Variants in PDE12 observed in about 807,000 individuals in gnomAD.
PDE12 encodes 2',5'-phosphodiesterase 12.
A neutral mutation model predicts 45.4 loss-of-function variants in PDE12; 26 were observed. The ratio of observed to expected loss-of-function variants is 0.57; its 90% CI spans 0.42 to 0.79. The LOEUF (loss-of-function observed/expected upper bound fraction) is 0.79, where lower values mean the gene tolerates loss of function less well. Among genes scored for constraint, PDE12 ranks in the 30% least tolerant of loss-of-function variants. The probability of loss-of-function intolerance (pLI) is 0.00; values close to 1 mark genes in which losing one functional copy is unlikely to be tolerated. For missense variants in PDE12, 668 were observed against 790.0 expected (o/e 0.85, Z 1.85); for synonymous variants, 283 against 323.9 (o/e 0.87, Z 1.36).
At chr3:57,557,790 A>G in intron 1 of PDE12, 103 bp downstream of exon 1, 1 of 1,036,028 alleles carries the variant, frequency 9.7e-7, no homozygotes, top group Non-Finnish European at 1.4e-6. Context: ...GTATCCAGAT[A>G]TTGTTGAAAG....
the PDE12 span, among the ~76,000 whole-genome samples, chr3:57,642,509 T>C: frequency 6.6e-6 from 1 of 152,044 alleles, no homozygotes; most frequent in Non-Finnish European, 1.5e-5. Context: ...AGTGACATTA[T>C]GGCCTGTCTG....
chr3:57,557,718 C>G (rs2069682723), intron 1 of PDE12, 31 bp downstream of exon 1: 1 of 1,583,064 alleles, frequency 6.3e-7, no homozygotes, highest in Non-Finnish European at 8.6e-7. Flanking sequence ...TCTTCACATA[C>G]TGTCCCACTT....
the PDE12 span, among the ~76,000 whole-genome samples, chr3:57,592,283 G>GT: frequency 6.6e-6 from 1 of 152,116 alleles, no homozygotes; most frequent in Non-Finnish European, 1.5e-5. Context: ...GAGGTCAGGA[G>GT]TTTGAGACCA....
the PDE12 span, among the ~76,000 whole-genome samples, chr3:57,607,050 T>C: frequency 1.3e-5 from 2 of 152,122 alleles, no homozygotes; most frequent in African/African-American, 4.8e-5. Context: ...AGACGAAGCT[T>C]CCAGAGGAAC....
chr3:57,639,318 T>C, the PDE12 span, among the ~76,000 whole-genome samples: 1 of 152,202 alleles, frequency 6.6e-6, no homozygotes, highest in African/African-American at 2.4e-5. Context: ...CTGGTAAGAA[T>C]GTAAACTGAT....
At chr3:57,634,517 G>GAA in the PDE12 span, 1 of 1,160,124 alleles carries the variant, frequency 8.6e-7, no homozygotes, top group Non-Finnish European at 1.2e-6. Context: ...TTACATACCT[G>GAA]AACAAGGAAA....
the PDE12 span, among the ~76,000 whole-genome samples, chr3:57,574,786 T>C: frequency 3.3e-5 from 5 of 152,004 alleles, no homozygotes; most frequent in Non-Finnish European, 5.9e-5. Flanking sequence ...TAGGCTGAGA[T>C]AGTGAGAGGA....
chr3:57,617,244 A>C, the PDE12 span, among the ~76,000 whole-genome samples: 6 of 151,598 alleles, frequency 4.0e-5, no homozygotes, highest in Non-Finnish European at 7.4e-5. Context: ...ATCTCTACCA[A>C]AAATTTAAAA....
chr3:57,626,863 A>G, the PDE12 span: 1 of 152,630 alleles, frequency 6.6e-6, no homozygotes, highest in Non-Finnish European at 1.5e-5. Context: ...TAACCATGAC[A>G]GTGACTCAGG....
chr3:57,649,922 TACAC>T, the PDE12 span, among the ~76,000 whole-genome samples: 6 of 148,454 alleles, frequency 4.0e-5, no homozygotes, highest in Admixed American at 6.8e-5. Context: ...TGTATATATA[TACAC>T]ACACACACAC....
At chr3:57,645,070 A>ATT in the PDE12 span, among the ~76,000 whole-genome samples, 1 of 152,018 alleles carries the variant, frequency 6.6e-6, no homozygotes, top group South Asian at 2.1e-4. Flanking sequence ...GGGTAAGATT[A>ATT]TTTTTTCTTT....
In PDE12 at chr3:57,559,869, T is replaced by A. The variant is rs1559777841; in HGVS notation, c.1695T>A (p.Ile565=). ...GFHGCLDYIF[I]DLNALEVEQV... ...ATGGATGTCTAGATTACATTTTCATTGACTTAAATGCTTTAGAGGTTGAAC... is the reference window on the plus strand; with the variant it reads ...ATGGATGTCTAGATTACATTTTCATAGACTTAAATGCTTTAGAGGTTGAAC... Residue 565 remains isoleucine, a synonymous_variant, in exon 3 of 3, where the codon ATT becomes ATA. Transcript: ENST00000311180. 6.2e-7 allele frequency: 1 copy of A among 1,614,066 alleles called. No homozygotes were observed. Among genetic ancestry groups the A allele is most frequent in the African/African-American group, 1.3e-5 (1 of 74,946 alleles).
chr3:57,616,004 T>G, the PDE12 span, among the ~76,000 whole-genome samples: 1 of 151,964 alleles, frequency 6.6e-6, no homozygotes, highest in African/African-American at 2.4e-5. Flanking sequence ...GACAAATTTC[T>G]TGAAAGACAA....
At chr3:57,584,963 G>A in the PDE12 span, among the ~76,000 whole-genome samples, 1,971 of 151,902 alleles carry the variant, frequency 0.013, 48 homozygotes, top group African/African-American at 0.045. Flanking sequence ...TCCCGGGTTC[G>A]AGCAATTCTC....
the PDE12 span, among the ~76,000 whole-genome samples, chr3:57,649,767 C>A: frequency 3.8e-4 from 57 of 151,804 alleles, no homozygotes; most frequent in East Asian, 7.2e-3. Flanking sequence ...CCCTCCTTAC[C>A]CTGCTCACTC....
At chr3:57,582,054 G>A in the PDE12 span, among the ~76,000 whole-genome samples, 18 of 152,182 alleles carry the variant, frequency 1.2e-4, no homozygotes, top group South Asian at 3.7e-3. Flanking sequence ...TGCTCAACTG[G>A]GTACAATGCA....
the PDE12 span, among the ~76,000 whole-genome samples, chr3:57,637,511 T>C: frequency 6.6e-6 from 1 of 152,146 alleles, no homozygotes; most frequent in Non-Finnish European, 1.5e-5. Flanking sequence ...TTTTTTTCTC[T>C]AATTTTACTG....
At chr3:57,646,830 T>C in the PDE12 span, among the ~76,000 whole-genome samples, 2 of 152,216 alleles carry the variant, frequency 1.3e-5, no homozygotes, top group Non-Finnish European at 2.9e-5. Context: ...CCAAGGGCAC[T>C]TATTGGATAT....
At chr3:57,585,940 A>T in the PDE12 span, among the ~76,000 whole-genome samples, 1 of 152,042 alleles carries the variant, frequency 6.6e-6, no homozygotes, top group Non-Finnish European at 1.5e-5. Context: ...GTGATTACAG[A>T]TGTGAACCAC....
Sources: gnomAD v4.1 joint callset for allele counts (sites outside exome capture counted in the v4.1 genomes callset) on GRCh38, gnomAD v4.1.1 for gene constraint, MANE v1.5 for transcripts, NCBI Gene and HGNC (gene_info 2026-07-23, HGNC 2026-07-21) for gene names.